Variants in USP14 observed in about 807,000 individuals in gnomAD.
USP14 encodes ubiquitin specific peptidase 14.
Under a neutral mutation model 76.5 loss-of-function variants are expected in USP14, and 38 were observed. That is an observed-to-expected ratio of 0.50 (90% CI 0.38 to 0.65). The LOEUF is 0.65. Ranked by LOEUF, USP14 falls within the 30% of genes least tolerant of loss-of-function variation. The probability of loss-of-function intolerance (pLI) is 0.00; values close to 1 mark genes in which losing one functional copy is unlikely to be tolerated. For missense variants in USP14, 467 were observed against 586.5 expected, an observed-to-expected ratio of 0.80 and a Z score of 2.10; for synonymous variants, 192 against 191.7, an observed-to-expected ratio of 1.00 and a Z score of -0.01.
chr18:171,049 TATATATA>T (rs1211492347), intron 3 of USP14, among the ~76,000 whole-genome samples: 1 of 132,118 alleles, frequency 7.6e-6, no homozygotes, highest in Admixed American at 7.9e-5. Context: ...TATATATATA[TATATATA>T]AACTGAAGCT....
chr18:189,981 A>G (rs1191629763), intron 5 of USP14, among the ~76,000 whole-genome samples: 1 of 152,168 alleles, frequency 6.6e-6, no homozygotes, highest in Non-Finnish European at 1.5e-5. Context: ...CCTGACTTCT[A>G]ATCTCATAGA....
intron 8 of USP14, among the ~76,000 whole-genome samples, 160 bp downstream of exon 8, chr18:197,856 A>C (rs996615125): frequency 1.3e-5 from 2 of 152,084 alleles, no homozygotes; most frequent in African/African-American, 4.8e-5. Context: ...GGAAGCTTGC[A>C]TACGACATTT....
intron 4 of USP14, among the ~76,000 whole-genome samples, chr18:179,699 C>T (rs981699991): frequency 1.3e-5 from 2 of 150,646 alleles, no homozygotes; most frequent in Non-Finnish European, 3.0e-5. Flanking sequence ...GTGATCCTCC[C>T]ACCTCAGGCT....
At chr18:162,895 T>A (rs1909161865) in intron 1 of USP14, 1 of 153,306 alleles carries the variant, frequency 6.5e-6, no homozygotes, top group Non-Finnish European at 1.5e-5. Flanking sequence ...CCTCCCGGGT[T>A]CAAGCGATTC....
intron 6 of USP14, among the ~76,000 whole-genome samples, chr18:195,406 A>G (rs1349452957): frequency 5.3e-5 from 8 of 152,152 alleles, no homozygotes; most frequent in African/African-American, 1.7e-4. Context: ...CAGTCTGTAT[A>G]ATGATGATAG....
Position 199,229 on chromosome 18 carries a change from A to C in USP14, c.789A>C (p.Glu263Asp). 1 of 1,613,908 alleles carries C rather than the reference A, an allele frequency of 6.2e-7. No individual in the cohort carries two copies. The highest frequency in any genetic ancestry group is 8.5e-7 in the Non-Finnish European group (1 of 1,179,806). ...TTMKCTESEE[E>D]EVTKGKENQL... ...TGAAATGTACAGAATCTGAAGAAGAAGAAGTCACCAAAGGAAAGGAAAATC... is the reference window on the plus strand; with the variant it reads ...TGAAATGTACAGAATCTGAAGAAGACGAAGTCACCAAAGGAAAGGAAAATC... Residue 263 changes from glutamate to aspartate, a missense_variant, in exon 10 of 16, where the codon GAA becomes GAC. Coordinates refer to ENST00000261601, the MANE Select transcript of USP14 (RefSeq NM_005151.4).
intron 5 of USP14, among the ~76,000 whole-genome samples, chr18:191,447 T>C (rs1233540558): frequency 1.3e-5 from 2 of 152,224 alleles, no homozygotes; most frequent in African/African-American, 4.8e-5. Context: ...TCTAGTGAAA[T>C]GCATATATCT....
At chr18:197,229 G>C (rs959572040) in intron 7 of USP14, among the ~76,000 whole-genome samples, 1 of 152,168 alleles carries the variant, frequency 6.6e-6, no homozygotes, top group African/African-American at 2.4e-5. Flanking sequence ...ACCTCCTTCA[G>C]GTCTCATGGC....
At chr18:208,858 G>A (rs958757818) in intron 13 of USP14, among the ~76,000 whole-genome samples, 2 of 152,148 alleles carry the variant, frequency 1.3e-5, no homozygotes, top group Non-Finnish European at 2.9e-5. Context: ...CAATTCTCAT[G>A]CCTCAGCGTC....
chr18:174,247 A>G (rs1484924929), intron 3 of USP14, among the ~76,000 whole-genome samples: 1 of 150,106 alleles, frequency 6.7e-6, no homozygotes, highest in Non-Finnish European at 1.5e-5. Flanking sequence ...ACATATTGTT[A>G]AGTATTTCAC....
chr18:167,013 G>A lies in USP14; in HGVS notation c.195+194G>A, dbSNP rs938661262. Among the ~76,000 whole-genome samples the A allele has an allele frequency of 7.2e-4, 110 of 151,812 alleles. 2 individuals carry two copies. Among genetic ancestry groups the A allele is most frequent in the African/African-American group, 2.5e-3 (103 of 41,386 alleles). On this transcript the variant is annotated intron_variant, in intron 3 of 15. Coordinates refer to ENST00000261601, the MANE Select transcript of USP14 (RefSeq NM_005151.4). The stretch of plus-strand genomic sequence containing the variant: ...GTTATAGGTTTGTTTTTGGGTTTTT[G>A]TTTCATTGATCTAGTAGATTAAAGT...
chr18:203,014 C>T, intron 11 of USP14, 69 bp downstream of exon 11: 1 of 1,603,750 alleles, frequency 6.2e-7, no homozygotes, highest in Non-Finnish European at 8.5e-7. Context: ...TTAATTTTAT[C>T]CAGTCTTAAT....
rs976221940 is a variant in USP14 at position 213,628 on chromosome 18, C to G, written c.*2344C>G. The G allele has an allele frequency of 2.0e-5, 3 of 152,506 alleles. No homozygotes were observed. The highest frequency in any genetic ancestry group is 6.6e-5 in the Admixed American group (1 of 15,254). 9.4% of individuals were successfully genotyped at this position (152,506 alleles called of 1,614,324 possible). ...GCTAGATTACTGCTTGACTGACTAG[C>G]TAGGTTAGGCCTAAGAGTGTTTACC... On this transcript the variant is annotated 3_prime_UTR_variant, in exon 16 of 16. Transcript: ENST00000261601.
intron 7 of USP14, 80 bp downstream of exon 7, chr18:196,847 T>C: frequency 6.5e-7 from 1 of 1,544,638 alleles, no homozygotes; most frequent in Non-Finnish European, 8.8e-7. Context: ...TGGAACATAG[T>C]TCGAAATATA....
intron 7 of USP14, among the ~76,000 whole-genome samples, chr18:196,974 A>C (rs1298024693): frequency 6.6e-6 from 1 of 152,118 alleles, no homozygotes; most frequent in Non-Finnish European, 1.5e-5. Flanking sequence ...CACAGCCCGC[A>C]ATGTCCTTTT....
At chr18:160,620 T>A (rs1423033055) in intron 1 of USP14, among the ~76,000 whole-genome samples, 3 of 152,250 alleles carry the variant, frequency 2.0e-5, no homozygotes, top group Non-Finnish European at 2.9e-5. Flanking sequence ...ACTGGTATAA[T>A]TCCTCTTGTA....
At chr18:169,856 T>C (rs1310301737) in intron 3 of USP14, among the ~76,000 whole-genome samples, 1 of 152,138 alleles carries the variant, frequency 6.6e-6, no homozygotes, top group Non-Finnish European at 1.5e-5. Context: ...ACTTTTGTAA[T>C]TGTTTTGGGG....
chr18:204,675 A>G lies in USP14; in HGVS notation c.1147A>G (p.Asn383Asp). The change falls in exon 13 of 16, where the codon AAT becomes GAT. Residue 383 changes from asparagine to aspartate, a missense_variant. Coordinates refer to ENST00000261601, the MANE Select transcript of USP14 (RefSeq NM_005151.4). ...CAAGGATCTAGAAGATAAAAAAGTG[A>G]ATCAGCAGCCAAATACAGTAGGTTC... ...KFKDLEDKKV[N>D]QQPNTSDKKS... 6.2e-7 allele frequency: 1 copy of G among 1,612,546 alleles called. No homozygotes were observed. Among genetic ancestry groups the G allele is most frequent in the Non-Finnish European group, 8.5e-7 (1 of 1,179,624 alleles).
intron 13 of USP14, among the ~76,000 whole-genome samples, chr18:204,904 C>CTTTTTTTTTTTTTTTTTTTTTTT (rs775473299): frequency 6.9e-6 from 1 of 144,270 alleles, no homozygotes. Flanking sequence ...TTTTATTTTC[C>CTTTTTTTTTTTTTTTTTTTTTTT]TTTTTTTTTT....
Sources: gnomAD v4.1 joint callset for allele counts (sites outside exome capture counted in the v4.1 genomes callset) on GRCh38, gnomAD v4.1.1 for gene constraint, MANE v1.5 for transcripts, NCBI Gene and HGNC (gene_info 2026-07-23, HGNC 2026-07-21) for gene names.